PLCH2: variants seen among roughly 807,000 people sequenced by gnomAD.
The protein encoded by PLCH2 is 1-phosphatidylinositol 4,5-bisphosphate phosphodiesterase eta-2.
Under a neutral mutation model 134.7 loss-of-function variants are expected in PLCH2, and 98 were observed. The observed-to-expected ratio is 0.73, with a 90% CI of 0.62 to 0.86. The LOEUF is 0.86. PLCH2 is among the 40% of genes least tolerant of loss of function. The pLI is 0.00. For synonymous variants in PLCH2, 974 were observed against 827.5 expected (o/e 1.18, Z -3.04); for missense variants, 1,994 against 1,986.6 (o/e 1.00, Z -0.07).
At position 2,497,022 on chromosome 1, in the gene PLCH2, C is replaced by A; in HGVS notation, c.2116+12C>A. The A allele has an allele frequency of 6.2e-7, 1 of 1,609,802 alleles. No homozygotes were observed. Among genetic ancestry groups the A allele is most frequent in the South Asian group, 1.1e-5 (1 of 90,622 alleles). On this transcript the variant is annotated intron_variant, in intron 15 of 21. Coordinates refer to ENST00000378486, the MANE Select transcript of PLCH2 (RefSeq NM_014638.4). Reference sequence around the variant, plus strand: ...CGGCTGCCAAATGGGTGGGTGCGGGCATGGTGCGCTGGGTGTGGTGGGGAG... The same window carrying A: ...CGGCTGCCAAATGGGTGGGTGCGGGAATGGTGCGCTGGGTGTGGTGGGGAG...
intron 3 of PLCH2, 37 bp from the exon 4 acceptor site, chr1:2,480,145 GC>G: frequency 6.2e-7 from 1 of 1,610,932 alleles, no homozygotes; most frequent in Non-Finnish European, 8.5e-7. Context: ...TCAGGGCTGG[GC>G]CCATGGATCG....
the PLCH2 span, among the ~76,000 whole-genome samples, chr1:2,419,717 T>C: frequency 1.3e-5 from 2 of 152,108 alleles, no homozygotes; most frequent in Non-Finnish European, 2.9e-5. Flanking sequence ...GAGGAGGCGC[T>C]GCTGGCTCTG....
upstream of PLCH2, among the ~76,000 whole-genome samples, chr1:2,423,277 T>A (rs1638609876): frequency 6.6e-6 from 1 of 152,202 alleles, no homozygotes; most frequent in Non-Finnish European, 1.5e-5. Context: ...AACCTCGAAC[T>A]CCTGGGCTGA....
At position 2,484,506 on chromosome 1, in the gene PLCH2, A is replaced by C; in HGVS notation, c.704A>C (p.Tyr235Ser). 6.2e-7 allele frequency: 1 copy of C among 1,613,358 alleles called. No homozygotes were observed. The highest frequency in any genetic ancestry group is 8.5e-7 in the Non-Finnish European group (1 of 1,179,794). The part of the protein sequence containing the change: ...TLGFEEFCAF[Y>S]KMMSTRRDLY... The stretch of plus-strand genomic sequence containing the variant: ...GGTTTTGAAGAGTTCTGTGCCTTCT[A>C]CAAGATGATGTCCACCCGCCGGGAC... The change falls in exon 5 of 22, where the codon TAC becomes TCC. Residue 235 changes from tyrosine to serine, a missense_variant. Tyr to Ser is a moderately radical substitution (Grantham distance 144). Coordinates refer to ENST00000378486, the MANE Select transcript of PLCH2 (RefSeq NM_014638.4).
intron 19 of PLCH2, among the ~76,000 whole-genome samples, 173 bp downstream of exon 19, chr1:2,499,403 G>A (rs1026332975): frequency 1.3e-5 from 2 of 152,156 alleles, no homozygotes; most frequent in African/African-American, 2.4e-5. Flanking sequence ...GTCAGGCAGG[G>A]GCATGGCCTG....
chr1:2,460,142 C>T (rs978886835), intron 2 of PLCH2, among the ~76,000 whole-genome samples: 3 of 152,270 alleles, frequency 2.0e-5, no homozygotes, highest in South Asian at 2.1e-4. Context: ...GGGAGGGGCC[C>T]GTGCCCCCAT....
Position 2,496,643 on chromosome 1 carries a change from G to A in PLCH2, c.1872G>A (p.Arg624=), listed in dbSNP as rs1642904731. Residue 624 remains arginine (R), a synonymous_variant, in exon 14 of 22, where the codon CGG becomes CGA. Coordinates refer to ENST00000378486, the MANE Select transcript of PLCH2 (RefSeq NM_014638.4). ...AGAAGAAGACCATGAAGCTGTCCCG[G>A]GCCCTCTCTGACCTGGTGAAGTACA... The part of the protein sequence containing the change: ...TRQKKTMKLS[R]ALSDLVKYTK... 6.2e-7 allele frequency: 1 copy of A among 1,612,196 alleles called. No homozygotes were observed. The highest frequency in any genetic ancestry group is 8.5e-7 in the Non-Finnish European group (1 of 1,179,522).
At position 2,486,898 on chromosome 1, in the gene PLCH2, C is replaced by G. The variant is rs1323501672; in HGVS notation, c.817-9C>G. ...GGCTGCCTGGACTCATGCCCCTGCT[C>G]TGGCCTAGATGGCGGGTGTGACCCT... On this transcript the variant is annotated splice_polypyrimidine_tract_variant and intron_variant, in intron 5 of 21. Transcript: ENST00000378486. The G allele has an allele frequency of 1.3e-6, 2 of 1,596,162 alleles. No individual in the cohort carries two copies. Among genetic ancestry groups the G allele is most frequent in the Admixed American group, 1.7e-5 (1 of 57,790 alleles).
chr1:2,442,988 C>T (rs1456019534), intron 2 of PLCH2, among the ~76,000 whole-genome samples: 2 of 152,156 alleles, frequency 1.3e-5, no homozygotes, highest in African/African-American at 4.8e-5. Flanking sequence ...AGGGAGGGTC[C>T]CCAGGGTCTA....
Position 2,505,460 on chromosome 1 carries a change from G to A in PLCH2, c.*247G>A, listed in dbSNP as rs1400293112. ...CAGTTTTCCCGGCGTTTTAGGATCT[G>A]TACATAGAGAAATATTTAAATTTTT... On this transcript the variant is annotated 3_prime_UTR_variant, in exon 22 of 22. Transcript: ENST00000378486. 5.6e-6 allele frequency: 3 copies of A among 536,634 alleles called. No individual in the cohort carries two copies. Among genetic ancestry groups the A allele is most frequent in the South Asian group, 2.6e-5 (1 of 38,724 alleles). 33.2% of individuals were successfully genotyped at this position (536,634 alleles called of 1,614,324 possible). A position where few individuals can be genotyped will look rare whatever the true frequency, so the allele number is the denominator to read the frequency against.
chr1:2,441,276 C>T (rs537996534), intron 2 of PLCH2, among the ~76,000 whole-genome samples: 31 of 152,324 alleles, frequency 2.0e-4, no homozygotes, highest in African/African-American at 6.7e-4. Flanking sequence ...CGAAGAGGCG[C>T]GGGCACCACA....
rs770662394 is a variant in PLCH2, at chr1:2,476,571, C to G, written c.-18C>G. Reference sequence around the variant, plus strand: ...GCCTCTGTGGCCTCCGTGAAGCAGGCCCGGCTGTCGTCAGGCCATGTCTGG... The same window carrying G: ...GCCTCTGTGGCCTCCGTGAAGCAGGGCCGGCTGTCGTCAGGCCATGTCTGG... On this transcript the variant is annotated 5_prime_UTR_variant, in exon 1 of 22. Coordinates refer to ENST00000378486, the MANE Select transcript of PLCH2 (RefSeq NM_014638.4). 37 of 1,495,826 alleles carry G rather than the reference C, an allele frequency of 2.5e-5. No homozygotes were observed. The Admixed American group carries it at 3.4e-4, about 14-fold the overall frequency. 92.7% of individuals were successfully genotyped at this position (1,495,826 alleles called of 1,614,324 possible).
intron 2 of PLCH2, among the ~76,000 whole-genome samples, chr1:2,434,692 C>T (rs1639240640): frequency 6.6e-6 from 1 of 152,232 alleles, no homozygotes; most frequent in Non-Finnish European, 1.5e-5. Flanking sequence ...AGAGGAGCCC[C>T]AGGCTGCCCG....
upstream of PLCH2, among the ~76,000 whole-genome samples, chr1:2,465,287 C>T (rs1341093401): frequency 3.9e-5 from 6 of 152,220 alleles, no homozygotes; most frequent in Non-Finnish European, 5.9e-5. Flanking sequence ...GCCTCTCAGA[C>T]CCGGAAGGCA....
intron 2 of PLCH2, among the ~76,000 whole-genome samples, chr1:2,440,797 G>A (rs1639656898): frequency 6.6e-6 from 1 of 152,232 alleles, no homozygotes; most frequent in Admixed American, 6.5e-5. Context: ...TTCGGTTTTG[G>A]CTTCGTGCAG....
At chr1:2,478,368 C>T (rs1412368172) in intron 1 of PLCH2, 108 bp from the exon 2 acceptor site, 21 of 1,374,122 alleles carry the variant, frequency 1.5e-5, no homozygotes, top group South Asian at 3.8e-5. Flanking sequence ...CCTCCGCTGA[C>T]GGCCGTGTTT....
At position 2,504,577 on chromosome 1, in the gene PLCH2, C is replaced by T; in HGVS notation, c.3615C>T (p.Asn1205=). 1 of 1,612,784 alleles carries T rather than the reference C, an allele frequency of 6.2e-7. No individual in the cohort carries two copies. Among genetic ancestry groups the T allele is most frequent in the Non-Finnish European group, 8.5e-7 (1 of 1,179,804 alleles). The change falls in exon 22 of 22, where the codon AAC becomes AAT. Residue 1205 remains asparagine, a synonymous_variant. Transcript: ENST00000378486. ...PPVTKSKSNP[N]LRATGQRPPI... ...TGACCAAGAGCAAATCCAACCCCAA[C>T]CTTCGGGCTACAGGCCAGCGGCCTC...
chr1:2,492,109 C>T (rs1209644675), intron 11 of PLCH2, among the ~76,000 whole-genome samples: 1 of 152,238 alleles, frequency 6.6e-6, no homozygotes, highest in African/African-American at 2.4e-5. Flanking sequence ...TTCTGCCTGT[C>T]CCTGCAGGGA....
chr1:2,454,281 C>T (rs1375245366), intron 2 of PLCH2, among the ~76,000 whole-genome samples: 1 of 152,194 alleles, frequency 6.6e-6, no homozygotes, highest in Non-Finnish European at 1.5e-5. Flanking sequence ...GCCCCGCCCA[C>T]CATGCCCGAC....
Sources: allele counts gnomAD v4.1 joint callset (sites outside exome capture counted in the v4.1 genomes callset), GRCh38; gene constraint gnomAD v4.1.1; transcripts MANE v1.5; gene names NCBI Gene and HGNC (gene_info 2026-07-23, HGNC 2026-07-21).